The following SEMA3A variants were observed in gnomAD, a reference collection of about 807,000 sequenced individuals.
SEMA3A encodes the protein semaphorin 3A.
SEMA3A carries 29 observed loss-of-function variants against 97.9 expected under a neutral mutation model. The ratio of observed to expected loss-of-function variants is 0.30; its 90% CI spans 0.22 to 0.40. The LOEUF is 0.40. SEMA3A is among the 10% of genes least tolerant of loss of function. SEMA3A has a pLI of 1.00. For synonymous variants in SEMA3A, 321 were observed against 323.7 expected, an observed-to-expected ratio of 0.99 and a Z score of 0.09; for missense variants, 763 against 951.3, an observed-to-expected ratio of 0.80 and a Z score of 2.60.
Position 84,134,797 on chromosome 7 carries a change from T to G in SEMA3A, c.267A>C (p.Gln89His). 2 of 1,608,348 alleles carry G rather than the reference T, an allele frequency of 1.2e-6. No individual in the cohort carries two copies. Among genetic ancestry groups the G allele is most frequent in the Non-Finnish European group, 1.7e-6 (2 of 1,176,662 alleles). Residue 89 changes from glutamine to histidine, a missense_variant, in exon 2 of 17, where the codon CAA becomes CAC. Physicochemically the swap from Gln to His is conservative, Grantham distance 24. Around this residue, in one of 2 missense-constraint regions of SEMA3A, gnomAD observed 678 missense variants for 881.3 expected, o/e 0.77. Transcript: ENST00000265362. ...GCATATATTAGAATACTGATACCTTTTGAAAATCCTTGATATTAACCAGGT... is the reference window on the plus strand; with the variant it reads ...GCATATATTAGAATACTGATACCTTGTGAAAATCCTTGATATTAACCAGGT... ...SFDLVNIKDF[Q>H]KIVWPVSYTR...
At chr7:84,159,210 G>T (rs755731282) in intron 1 of SEMA3A, among the ~76,000 whole-genome samples, 1 of 151,924 alleles carries the variant, frequency 6.6e-6, no homozygotes, top group Non-Finnish European at 1.5e-5. Flanking sequence ...ATAGTGAACA[G>T]CCACTTTAAA....
intron 3 of SEMA3A, among the ~76,000 whole-genome samples, chr7:84,243,004 G>T (rs996796863): frequency 7.9e-5 from 12 of 152,092 alleles, no homozygotes; most frequent in Admixed American, 7.2e-4. Flanking sequence ...GGATGAAGCC[G>T]ACTTGATGTG....
chr7:84,426,297 T>C (rs1026022775), intron 1 of SEMA3A, among the ~76,000 whole-genome samples: 1 of 151,608 alleles, frequency 6.6e-6, no homozygotes, highest in Admixed American at 6.6e-5. Context: ...GATAGATAGA[T>C]AGATAGATAG....
chr7:84,147,517 A>G (rs28433968), intron 1 of SEMA3A, among the ~76,000 whole-genome samples: 13,971 of 152,184 alleles, frequency 0.092, 1,236 homozygotes, highest in African/African-American at 0.23. Flanking sequence ...GAGTGAGAAG[A>G]AAGAGAGCTC....
At position 83,959,830 on chromosome 7, in the gene SEMA3A, G is replaced by A. The variant is rs997404206; in HGVS notation, c.*1541C>T. ...AAGAAACCACAGTATAATGCTGAAAGTTTTAAATATCTCAAAGTCAGTGAT... is the reference window on the plus strand; with the variant it reads ...AAGAAACCACAGTATAATGCTGAAAATTTTAAATATCTCAAAGTCAGTGAT... On this transcript the variant is annotated 3_prime_UTR_variant, in exon 17 of 17. Transcript: ENST00000265362. 23 of 152,062 alleles carry A rather than the reference G, an allele frequency of 1.5e-4. No individual in the cohort carries two copies. Among genetic ancestry groups the A allele is most frequent in the Admixed American group, 6.6e-4 (10 of 15,248 alleles). The allele number at this position is 152,062 out of a possible 1,614,324, so 9.4% of individuals were successfully genotyped here.
At chr7:84,396,327 T>TATA (rs10636617) in intron 1 of SEMA3A, among the ~76,000 whole-genome samples, 68,626 of 150,332 alleles carry the variant, frequency 0.46, 17,299 homozygotes, top group East Asian at 0.79. Flanking sequence ...CAAAATATAT[T>TATA]ATATTATAAT....
At chr7:84,020,191 G>A (rs572476938) in intron 6 of SEMA3A, among the ~76,000 whole-genome samples, 6 of 151,074 alleles carry the variant, frequency 4.0e-5, no homozygotes, top group Admixed American at 2.0e-4. Flanking sequence ...GATTACAGGC[G>A]ATGCCACCAC....
At chr7:84,400,201 A>T (rs2116206726) in intron 1 of SEMA3A, among the ~76,000 whole-genome samples, 1 of 152,278 alleles carries the variant, frequency 6.6e-6, no homozygotes, top group Non-Finnish European at 1.5e-5. Context: ...TGTGAAGACT[A>T]GAATAAATAG....
chr7:84,341,055 T>C (rs921246634), intron 2 of SEMA3A, among the ~76,000 whole-genome samples: 2 of 152,172 alleles, frequency 1.3e-5, no homozygotes, highest in Non-Finnish European at 2.9e-5. Flanking sequence ...TATATTTCCA[T>C]GTACAAAGCA....
At chr7:84,097,742 A>G (rs1193712939) in intron 4 of SEMA3A, among the ~76,000 whole-genome samples, 1 of 152,184 alleles carries the variant, frequency 6.6e-6, no homozygotes, top group African/African-American at 2.4e-5. Context: ...ATTACCAAAT[A>G]TTCTATCATT....
intron 4 of SEMA3A, among the ~76,000 whole-genome samples, chr7:84,110,259 T>C (rs530034142): frequency 6.6e-6 from 1 of 152,304 alleles, no homozygotes; most frequent in South Asian, 2.1e-4. Context: ...AAATGCTTTC[T>C]TCCTTCCTTC....
At chr7:84,175,225 G>T (rs1211801321) in intron 1 of SEMA3A, among the ~76,000 whole-genome samples, 1 of 152,068 alleles carries the variant, frequency 6.6e-6, no homozygotes, top group Non-Finnish European at 1.5e-5. Flanking sequence ...GTCTGGGTTT[G>T]CCATGATGAT....
chr7:84,139,147 G>T (rs1796226381), intron 1 of SEMA3A, among the ~76,000 whole-genome samples: 2 of 152,054 alleles, frequency 1.3e-5, no homozygotes, highest in Admixed American at 1.3e-4. Context: ...AATGTGAAAT[G>T]TGTGTTATTC....
chr7:84,403,159 G>T (rs1285063570), intron 1 of SEMA3A, among the ~76,000 whole-genome samples: 1 of 152,158 alleles, frequency 6.6e-6, no homozygotes, highest in Non-Finnish European at 1.5e-5. Context: ...AAAGAAAGGG[G>T]TGACAGATGG....
intron 1 of SEMA3A, among the ~76,000 whole-genome samples, chr7:84,376,915 G>A (rs1463386409): frequency 6.6e-6 from 1 of 151,900 alleles, no homozygotes; most frequent in Non-Finnish European, 1.5e-5. Flanking sequence ...GTATATTATG[G>A]GTGATAATCC....
chr7:84,300,283 T>C (rs910220740), intron 3 of SEMA3A, among the ~76,000 whole-genome samples: 1 of 151,978 alleles, frequency 6.6e-6, no homozygotes, highest in African/African-American at 2.4e-5. Context: ...CATACACATA[T>C]ACACATCTTG....
chr7:83,994,749 G>T (rs560598773), intron 12 of SEMA3A, among the ~76,000 whole-genome samples: 1 of 151,336 alleles, frequency 6.6e-6, no homozygotes, highest in South Asian at 2.1e-4. Context: ...TAAGTCTGCA[G>T]AGGTTACTGC....
At chr7:84,205,294 A>T (rs1326707974) in intron 3 of SEMA3A, among the ~76,000 whole-genome samples, 1 of 152,226 alleles carries the variant, frequency 6.6e-6, no homozygotes, top group African/African-American at 2.4e-5. Context: ...TGCTGTTTTC[A>T]GAACACTAGG....
intron 6 of SEMA3A, among the ~76,000 whole-genome samples, chr7:84,018,067 A>T (rs1025909159): frequency 6.6e-6 from 1 of 152,176 alleles, no homozygotes; most frequent in Non-Finnish European, 1.5e-5. Flanking sequence ...ATCACTATAG[A>T]TTTATTATCA....
Sources: gnomAD v4.1 joint callset for allele counts (sites outside exome capture counted in the v4.1 genomes callset) on GRCh38, gnomAD v4.1.1 for gene constraint, gnomAD v4.1.1 regional missense constraint, MANE v1.5 for transcripts, NCBI Gene and HGNC (gene_info 2026-07-23, HGNC 2026-07-21) for gene names.